The following TENM2 variants were observed in gnomAD, a reference collection of about 807,000 sequenced individuals.
TENM2 encodes teneurin transmembrane protein 2, also known as teneurin-2.
In TENM2, 52 loss-of-function variants were observed where a neutral mutation model predicts 245.2. The ratio of observed to expected loss-of-function variants is 0.21; its 90% CI spans 0.17 to 0.27. The LOEUF (loss-of-function observed/expected upper bound fraction) is 0.27. Among genes scored for constraint, TENM2 ranks in the 10% least tolerant of loss-of-function variants. The pLI is 1.00. For synonymous variants in TENM2, 1,363 were observed against 1,438.9 expected (o/e 0.95, Z 1.19); for missense variants, 3,046 against 3,666.8 (o/e 0.83, Z 4.37).
intron 2 of TENM2, among the ~76,000 whole-genome samples, chr5:167,564,445 A>G (rs1484519638): frequency 6.6e-6 from 1 of 152,168 alleles, no homozygotes; most frequent in Non-Finnish European, 1.5e-5. Context: ...CTCCTCTGAG[A>G]TAAGGAGCTC....
At chr5:167,006,242 A>G in the TENM2 span, among the ~76,000 whole-genome samples, 2 of 152,212 alleles carry the variant, frequency 1.3e-5, no homozygotes, top group Non-Finnish European at 2.9e-5. Context: ...AACAGACACT[A>G]GATACTTTTT....
intron 2 of TENM2, among the ~76,000 whole-genome samples, chr5:167,715,100 A>C (rs1024661275): frequency 3.3e-5 from 5 of 152,170 alleles, no homozygotes; most frequent in African/African-American, 1.2e-4. Context: ...CTGACCTCAA[A>C]AATCTCTTGG....
chr5:167,196,470 G>GTA, the TENM2 span, among the ~76,000 whole-genome samples: 2,415 of 146,936 alleles, frequency 0.016, 57 homozygotes, highest in African/African-American at 0.059. Flanking sequence ...ATATATGTGT[G>GTA]TATATATATA....
chr5:167,573,015 T>C (rs1774379581), intron 2 of TENM2, among the ~76,000 whole-genome samples: 1 of 152,158 alleles, frequency 6.6e-6, no homozygotes, highest in Non-Finnish European at 1.5e-5. Context: ...AGAAACACCG[T>C]TTAAACTTGA....
chr5:167,074,291 C>G, the TENM2 span, among the ~76,000 whole-genome samples: 2 of 151,954 alleles, frequency 1.3e-5, no homozygotes, highest in Middle Eastern at 3.2e-3. Flanking sequence ...AATCCTTTTT[C>G]TTCTTTTTTT....
the TENM2 span, among the ~76,000 whole-genome samples, chr5:167,067,704 C>G: frequency 6.6e-6 from 1 of 152,294 alleles, no homozygotes; most frequent in African/African-American, 2.4e-5. Context: ...TCACCAAAGA[C>G]TATGCTCTGC....
intron 2 of TENM2, among the ~76,000 whole-genome samples, chr5:167,406,238 G>A (rs780586749): frequency 1.3e-5 from 2 of 152,072 alleles, no homozygotes; most frequent in Admixed American, 6.6e-5. Flanking sequence ...GTTCTCATCC[G>A]GGATGTTTAA....
At chr5:167,130,971 C>A in the TENM2 span, among the ~76,000 whole-genome samples, 2 of 130,694 alleles carry the variant, frequency 1.5e-5, no homozygotes, top group East Asian at 2.4e-4. Context: ...TGTTGGTTAG[C>A]TGCTGCATTT....
At chr5:168,118,562 A>G in intron 10 of TENM2, 76 bp downstream of exon 12, 1 of 1,151,902 alleles carries the variant, frequency 8.7e-7, no homozygotes, top group Non-Finnish European at 1.2e-6. Flanking sequence ...TAATGAGCCC[A>G]GTCCTGGGCT....
chr5:167,456,813 T>C (rs1000322826), intron 2 of TENM2, among the ~76,000 whole-genome samples: 3 of 152,270 alleles, frequency 2.0e-5, no homozygotes, highest in Admixed American at 1.3e-4. Flanking sequence ...ATGCCATCTG[T>C]TCATCAGGTT....
chr5:167,583,473 TACACACACACACACAC>T (rs10682735), intron 2 of TENM2, among the ~76,000 whole-genome samples: 14 of 137,460 alleles, frequency 1.0e-4, no homozygotes, highest in African/African-American at 3.6e-4. Context: ...TGAGTATATG[TACACACACACACACAC>T]ACACACACAC....
chr5:167,840,154 T>G (rs1173660221), intron 2 of TENM2, among the ~76,000 whole-genome samples: 1 of 152,202 alleles, frequency 6.6e-6, no homozygotes, highest in Non-Finnish European at 1.5e-5. Context: ...ACCCAGCAAA[T>G]GCTTTGCCCA....
the TENM2 span, among the ~76,000 whole-genome samples, chr5:167,036,559 A>G: frequency 3.1e-3 from 466 of 152,298 alleles, 2 homozygotes; most frequent in Middle Eastern, 0.024. Flanking sequence ...CTTAAATTAT[A>G]TCAATATTTG....
Position 167,452,948 on chromosome 5 carries a change from T to TATTTTTTTTTTTTAA in TENM2, c.502+77477_502+77478insTTTTTTTTTTTAAAT, listed in dbSNP as rs1554157744. On this transcript the variant is annotated intron_variant, in intron 2 of 28. Transcript: ENST00000518659. The stretch of plus-strand genomic sequence containing the variant: ...AGTATGATTTATATATATATATATA[T>TATTTTTTTTTTTTAA]ATATATATATATATTTAAAAAAAAA... Among the ~76,000 whole-genome samples the TATTTTTTTTTTTTAA allele has an allele frequency of 3.3e-3, 156 of 47,532 alleles. 8 individuals are homozygous for TATTTTTTTTTTTTAA. The highest frequency in any genetic ancestry group is 0.01 in the African/African-American group (150 of 14,936). The allele number at this position is 47,532 out of a possible 152,430, so 31.2% of individuals were successfully genotyped here.
chr5:167,399,507 C>T (rs945754459), intron 2 of TENM2, among the ~76,000 whole-genome samples: 5 of 152,136 alleles, frequency 3.3e-5, no homozygotes, highest in African/African-American at 1.2e-4. Context: ...TCACAAAATC[C>T]CTGCCCCCAA....
intron 3 of TENM2, among the ~76,000 whole-genome samples, chr5:167,927,808 G>A (rs1052048081): frequency 2.0e-5 from 3 of 152,256 alleles, no homozygotes; most frequent in East Asian, 1.9e-4. Flanking sequence ...GTCGCAGGAC[G>A]CCACCCTTGA....
the TENM2 span, among the ~76,000 whole-genome samples, chr5:166,999,718 G>A: frequency 2.6e-5 from 4 of 152,110 alleles, no homozygotes; most frequent in South Asian, 4.1e-4. Context: ...AACAAAACAA[G>A]TTTTCGAGGA....
chr5:167,363,182 A>G (rs970403787), intron 1 of TENM2, among the ~76,000 whole-genome samples: 1 of 152,198 alleles, frequency 6.6e-6, no homozygotes. Flanking sequence ...AGCCCACAGT[A>G]GGTTTTCATT....
chr5:167,931,842 T>C (rs1294286978), intron 3 of TENM2, among the ~76,000 whole-genome samples: 1 of 152,224 alleles, frequency 6.6e-6, no homozygotes, highest in Admixed American at 6.5e-5. Flanking sequence ...AATAGCTGTT[T>C]TGAAGCTGTG....
Sources: gnomAD v4.1 joint callset for allele counts (sites outside exome capture counted in the v4.1 genomes callset) on GRCh38, gnomAD v4.1.1 for gene constraint, MANE v1.5 for transcripts, NCBI Gene and HGNC (gene_info 2026-07-23, HGNC 2026-07-21) for gene names.